Variants in SSH2 observed in about 807,000 individuals in gnomAD.
SSH2 encodes protein phosphatase Slingshot homolog 2.
SSH2 carries 37 observed loss-of-function variants against 135.2 expected under a neutral mutation model. The ratio of observed to expected loss-of-function variants is 0.27; its 90% CI spans 0.21 to 0.36. SSH2 has a LOEUF of 0.36. Among genes scored for constraint, SSH2 ranks in the 10% least tolerant of loss-of-function variants. SSH2 has a pLI of 1.00. For missense variants in SSH2, 1,408 were observed against 1,765.3 expected (o/e 0.80, Z 3.63); for synonymous variants, 628 against 646.2 (o/e 0.97, Z 0.43).
Position 29,636,207 on chromosome 17 carries a change from C to T in SSH2, c.2023G>A (p.Asp675Asn). Residue 675 changes from aspartate (D) to asparagine (N), a missense_variant, in exon 15 of 16, where the codon GAT (aspartate) becomes AAT (asparagine). By Grantham distance (23) the Asp-to-Asn change is conservative. Around this residue, in one of 3 missense-constraint regions of SSH2, gnomAD observed 1,080 missense variants for 1,144.5 expected, o/e 0.94. Transcript: ENST00000540801. The part of the protein sequence containing the change: ...CQTEISDFST[D>N]RIDFFSALEK... ...AGGGCACTAAAAAAGTCAATGCGAT[C>T]TGTACTGAAATCTGAGATTTCAGTC... The T allele has an allele frequency of 6.2e-7, 1 of 1,614,162 alleles. No homozygotes were observed. The highest frequency in any genetic ancestry group is 8.5e-7 in the Non-Finnish European group (1 of 1,180,050).
chr17:29,754,513 T>C (rs1216152221), intron 3 of SSH2, among the ~76,000 whole-genome samples: 2 of 152,126 alleles, frequency 1.3e-5, no homozygotes, highest in African/African-American at 4.8e-5. Context: ...CAAGTTCATA[T>C]ATGAACCAAG....
At chr17:29,929,798 GT>G in intron 1 of SSH2, 139 bp downstream of exon 1, 1 of 742,350 alleles carries the variant, frequency 1.3e-6, no homozygotes, top group African/African-American at 1.7e-5. Flanking sequence ...ACATGGGGGT[GT>G]GGGGGGGTTC....
At chr17:29,709,332 C>T (rs3115092) in intron 3 of SSH2, among the ~76,000 whole-genome samples, 82,758 of 151,788 alleles carry the variant, frequency 0.55, 22,881 homozygotes, top group East Asian at 0.69. Context: ...TTATGGCGGA[C>T]GAAATACAAT....
At chr17:29,862,634 TCA>T (rs1206462402) in intron 1 of SSH2, among the ~76,000 whole-genome samples, 1 of 152,192 alleles carries the variant, frequency 6.6e-6, no homozygotes, top group Non-Finnish European at 1.5e-5. Context: ...TCTTCATTTC[TCA>T]GAGCCTCTTA....
intron 1 of SSH2, among the ~76,000 whole-genome samples, chr17:29,904,707 A>T (rs1246493919): frequency 6.6e-6 from 1 of 152,196 alleles, no homozygotes; most frequent in Non-Finnish European, 1.5e-5. Flanking sequence ...CAGGAAGTCA[A>T]ATTACTTTTG....
intron 1 of SSH2, among the ~76,000 whole-genome samples, chr17:29,920,571 G>A (rs1363063262): frequency 6.6e-6 from 1 of 151,776 alleles, no homozygotes; most frequent in Non-Finnish European, 1.5e-5. Context: ...CCACACCATT[G>A]GAAAAAAGGA....
At chr17:29,772,246 C>CTT (rs373494083) in intron 3 of SSH2, among the ~76,000 whole-genome samples, 7 of 136,414 alleles carry the variant, frequency 5.1e-5, no homozygotes, top group African/African-American at 1.1e-4. Flanking sequence ...AAAATCAGGT[C>CTT]TTTTTTTTTT....
chr17:29,747,218 CA>C (rs1049536067), intron 3 of SSH2, among the ~76,000 whole-genome samples: 1 of 151,760 alleles, frequency 6.6e-6, no homozygotes, highest in Admixed American at 6.6e-5. Flanking sequence ...AGTTCATTAC[CA>C]AAAAAAATCA....
intron 2 of SSH2, among the ~76,000 whole-genome samples, chr17:29,833,416 G>A (rs1409411083): frequency 6.6e-6 from 1 of 151,584 alleles, no homozygotes; most frequent in Non-Finnish European, 1.5e-5. Context: ...GCTCTTTTTT[G>A]GTTTCCATTG....
intron 3 of SSH2, among the ~76,000 whole-genome samples, chr17:29,714,277 A>C (rs1424107475): frequency 1.3e-5 from 2 of 152,120 alleles, no homozygotes; most frequent in African/African-American, 4.8e-5. Context: ...GGAATAAACA[A>C]ACAAAATGAA....
chr17:29,677,852 C>T, intron 6 of SSH2, 111 bp from the exon 7 acceptor site: 2 of 810,376 alleles, frequency 2.5e-6, no homozygotes, highest in South Asian at 3.1e-5. Flanking sequence ...TAAATTCTGG[C>T]ATAAGTGTTA....
At chr17:29,926,308 G>A (rs758173416) in intron 1 of SSH2, among the ~76,000 whole-genome samples, 36 of 151,708 alleles carry the variant, frequency 2.4e-4, no homozygotes, top group Non-Finnish European at 4.9e-4. Context: ...GGAGGCCAAG[G>A]TGGGCAGACG....
intron 3 of SSH2, among the ~76,000 whole-genome samples, chr17:29,743,973 C>T (rs1205986598): frequency 7.5e-5 from 10 of 132,902 alleles, no homozygotes; most frequent in South Asian, 2.3e-4. Context: ...GAGCCTGAGT[C>T]GGAAGCCACT....
intron 1 of SSH2, among the ~76,000 whole-genome samples, chr17:29,924,822 A>G (rs1461050832): frequency 6.6e-6 from 1 of 152,336 alleles, no homozygotes; most frequent in Admixed American, 6.5e-5. Context: ...ATAGGCTTCA[A>G]ACAAAGCTGT....
chr17:29,721,849 A>G (rs371141079), intron 3 of SSH2, among the ~76,000 whole-genome samples: 13 of 152,358 alleles, frequency 8.5e-5, no homozygotes, highest in African/African-American at 3.1e-4. Context: ...GTGAAACACT[A>G]TTACTAACAA....
intron 1 of SSH2, among the ~76,000 whole-genome samples, chr17:29,851,325 G>T (rs2065554605): frequency 1.3e-5 from 2 of 152,064 alleles, no homozygotes; most frequent in East Asian, 3.9e-4. Context: ...GGCTGGGCAC[G>T]GTGGCTCACA....
At chr17:29,639,718 A>G (rs2036067160) in intron 14 of SSH2, 1 of 152,106 alleles carries the variant, frequency 6.6e-6, no homozygotes, top group South Asian at 2.1e-4. Flanking sequence ...GAGACAACAT[A>G]TCACGCATCT....
intron 2 of SSH2, among the ~76,000 whole-genome samples, chr17:29,842,424 A>G (rs2043058229): frequency 6.6e-6 from 1 of 150,532 alleles, no homozygotes; most frequent in African/African-American, 2.4e-5. Flanking sequence ...ACTGCACTCC[A>G]GCCTGGGCGA....
In SSH2 at chr17:29,682,602, T is replaced by C. The variant is rs545102795; in HGVS notation, c.479+1961A>G. Among the ~76,000 whole-genome samples, 5 of 151,490 alleles carry C rather than the reference T, an allele frequency of 3.3e-5. No homozygotes were observed. In the East Asian group the frequency reaches 9.7e-4, roughly 29 times the overall value. On this transcript the variant is annotated intron_variant, in intron 6 of 15. Coordinates refer to ENST00000540801, the MANE Select transcript of SSH2 (RefSeq NM_001282129.2). Reference sequence around the variant, plus strand: ...CAGCCTGGGCAACACAGAGAGACTGTGTTCTTCACAAAAAGGAAAAAAGAA... The same window carrying C: ...CAGCCTGGGCAACACAGAGAGACTGCGTTCTTCACAAAAAGGAAAAAAGAA...
Sources: gnomAD v4.1 joint callset for allele counts (sites outside exome capture counted in the v4.1 genomes callset) on GRCh38, gnomAD v4.1.1 for gene constraint, gnomAD v4.1.1 regional missense constraint, MANE v1.5 for transcripts, NCBI Gene and HGNC (gene_info 2026-07-23, HGNC 2026-07-21) for gene names.